Variants in BRINP3 observed in about 807,000 individuals in gnomAD.
The protein encoded by BRINP3 is BMP/retinoic acid inducible neural specific 3.
In BRINP3, 19 loss-of-function variants were observed where a neutral mutation model predicts 71.0. The ratio of observed to expected loss-of-function variants is 0.27; its 90% CI spans 0.19 to 0.39. The LOEUF (loss-of-function observed/expected upper bound fraction) is 0.39. Ranked by LOEUF, BRINP3 falls within the 10% of genes least tolerant of loss-of-function variation. The pLI is 1.00. For synonymous variants in BRINP3, 380 were observed against 337.7 expected (o/e 1.13, Z -1.37); for missense variants, 959 against 940.8 (o/e 1.02, Z -0.25).
intron 2 of BRINP3, among the ~76,000 whole-genome samples, chr1:190,450,798 T>C (rs1675554765): frequency 6.6e-6 from 1 of 152,158 alleles, no homozygotes; most frequent in Non-Finnish European, 1.5e-5. Context: ...AAATTTCTGC[T>C]TTTCTCATAT....
intron 7 of BRINP3, among the ~76,000 whole-genome samples, chr1:190,154,824 C>T (rs1656721954): frequency 6.6e-6 from 1 of 152,024 alleles, no homozygotes; most frequent in Admixed American, 6.6e-5. Context: ...CCACGTTTTT[C>T]ATGGAAAACC....
chr1:190,257,001 T>C (rs1194631441), intron 4 of BRINP3, among the ~76,000 whole-genome samples: 1 of 152,186 alleles, frequency 6.6e-6, no homozygotes, highest in Non-Finnish European at 1.5e-5. Context: ...CTTTGTGGTG[T>C]TCTCTGTATT....
At chr1:190,421,693 A>C (rs1673399178) in intron 2 of BRINP3, among the ~76,000 whole-genome samples, 1 of 151,758 alleles carries the variant, frequency 6.6e-6, no homozygotes, top group Non-Finnish European at 1.5e-5. Context: ...GAATCCAGGC[A>C]CCACCACTCA....
At chr1:190,450,733 T>C (rs1158121112) in intron 2 of BRINP3, among the ~76,000 whole-genome samples, 2 of 152,078 alleles carry the variant, frequency 1.3e-5, no homozygotes, top group East Asian at 1.9e-4. Context: ...CCTTTCCTAT[T>C]GAGATCATTA....
chr1:190,379,170 A>T (rs929619875), intron 2 of BRINP3, among the ~76,000 whole-genome samples: 2 of 152,206 alleles, frequency 1.3e-5, no homozygotes, highest in African/African-American at 4.8e-5. Context: ...AAATTGGATT[A>T]TCTACCACCA....
intron 2 of BRINP3, among the ~76,000 whole-genome samples, chr1:190,371,742 C>T (rs896142138): frequency 6.6e-5 from 10 of 152,086 alleles, no homozygotes; most frequent in African/African-American, 2.2e-4. Context: ...TGCATTGAAT[C>T]TATAAATCAT....
At chr1:190,293,024 A>C (rs1246717341) in intron 2 of BRINP3, among the ~76,000 whole-genome samples, 16 of 149,576 alleles carry the variant, frequency 1.1e-4, no homozygotes, top group Non-Finnish European at 2.4e-4. Context: ...TCTCACTTTC[A>C]TTTATTTCTG....
intron 2 of BRINP3, among the ~76,000 whole-genome samples, chr1:190,318,172 G>A (rs940901276): frequency 1.3e-5 from 2 of 151,820 alleles, no homozygotes; most frequent in Non-Finnish European, 2.9e-5. Context: ...TACATTTCAG[G>A]TTTATAATCA....
chr1:190,410,137 G>T (rs1208531587), intron 2 of BRINP3, among the ~76,000 whole-genome samples: 1 of 151,928 alleles, frequency 6.6e-6, no homozygotes, highest in East Asian at 1.9e-4. Context: ...GATTAAAGAT[G>T]TAAGAAATGA....
intron 7 of BRINP3, among the ~76,000 whole-genome samples, chr1:190,146,075 G>A (rs920800616): frequency 2.0e-5 from 3 of 151,982 alleles, no homozygotes; most frequent in Non-Finnish European, 4.4e-5. Context: ...GGGGAGTGAG[G>A]GATCAAAGAC....
At chr1:190,381,125 T>C (rs1209651963) in intron 2 of BRINP3, among the ~76,000 whole-genome samples, 1 of 152,146 alleles carries the variant, frequency 6.6e-6, no homozygotes, top group African/African-American at 2.4e-5. Context: ...CCCCATGATA[T>C]CATGTTGCCT....
intron 4 of BRINP3, among the ~76,000 whole-genome samples, chr1:190,235,683 G>C (rs558852499): frequency 1.3e-5 from 2 of 152,006 alleles, no homozygotes; most frequent in Admixed American, 6.6e-5. Flanking sequence ...TACCTGGAAC[G>C]TTCTTCCTCA....
At chr1:190,226,451 C>T in intron 5 of BRINP3, 133 bp from the exon 6 acceptor site, 1 of 502,626 alleles carries the variant, frequency 2.0e-6, no homozygotes, top group Non-Finnish European at 3.4e-6. Flanking sequence ...TTTAAACTAT[C>T]AGAAAAATAT....
At chr1:190,436,162 A>G (rs1674440495) in intron 2 of BRINP3, among the ~76,000 whole-genome samples, 1 of 151,976 alleles carries the variant, frequency 6.6e-6, no homozygotes, top group Admixed American at 6.6e-5. Flanking sequence ...TAGGAAAGTC[A>G]TAATTATATC....
intron 2 of BRINP3, among the ~76,000 whole-genome samples, chr1:190,380,831 G>A (rs1400764049): frequency 5.3e-5 from 8 of 151,600 alleles, no homozygotes; most frequent in Middle Eastern, 3.4e-3. Context: ...CAATTTGTTC[G>A]AGCTTACAAA....
intron 1 of BRINP3, among the ~76,000 whole-genome samples, chr1:190,467,869 TA>T (rs1435147537): frequency 6.6e-6 from 1 of 151,410 alleles, no homozygotes; most frequent in East Asian, 1.9e-4. Context: ...AGTCTTTACA[TA>T]AAAAAGAATC....
chr1:190,473,401 A>T (rs897504413), intron 1 of BRINP3, among the ~76,000 whole-genome samples: 7 of 152,010 alleles, frequency 4.6e-5, no homozygotes, highest in African/African-American at 1.7e-4. Flanking sequence ...CAGAAAAATT[A>T]TTGATCAGGG....
In BRINP3 at chr1:190,251,965, A is replaced by T. The variant is rs1660188536; in HGVS notation, c.618+12900T>A. ...GATGATTAATAAAAAGATGATTTTG[A>T]AAACATTGAGTTCTTATTCATTCAA... On this transcript the variant is annotated intron_variant, in intron 4 of 7. Transcript: ENST00000367462. 2.0e-5 allele frequency among the ~76,000 whole-genome samples: 3 copies of T among 152,078 alleles called. No homozygotes were observed. The South Asian group carries it at 6.2e-4, about 31-fold the overall frequency.
At chr1:190,235,112 T>C (rs1658389190) in intron 4 of BRINP3, among the ~76,000 whole-genome samples, 1 of 152,138 alleles carries the variant, frequency 6.6e-6, no homozygotes, top group African/African-American at 2.4e-5. Flanking sequence ...TAATCAGTTT[T>C]ATCTATCCTC....
Sources: allele counts gnomAD v4.1 joint callset (sites outside exome capture counted in the v4.1 genomes callset), GRCh38; gene constraint gnomAD v4.1.1; transcripts MANE v1.5; gene names NCBI Gene and HGNC (gene_info 2026-07-23, HGNC 2026-07-21).